The following PCDH15 variants were observed in gnomAD, a reference collection of about 807,000 sequenced individuals.
PCDH15 encodes the protein protocadherin related 15.
In PCDH15, 129 loss-of-function variants were observed where a neutral mutation model predicts 178.5. The ratio of observed to expected loss-of-function variants is 0.72; its 90% CI spans 0.63 to 0.84. The LOEUF (loss-of-function observed/expected upper bound fraction) is 0.84, where lower values mean the gene tolerates loss of function less well. Among genes scored for constraint, PCDH15 ranks in the 40% least tolerant of loss-of-function variants. The pLI, the probability that PCDH15 is intolerant of heterozygous loss-of-function variation, is 0.00. For missense variants in PCDH15, 2,230 were observed against 2,099.9 expected, an observed-to-expected ratio of 1.06 and a Z score of -1.21; for synonymous variants, 800 against 732.0, an observed-to-expected ratio of 1.09 and a Z score of -1.50.
intron 8 of PCDH15, among the ~76,000 whole-genome samples, chr10:54,298,560 C>T (rs574285784): frequency 7.2e-5 from 11 of 152,322 alleles, no homozygotes; most frequent in African/African-American, 2.4e-4. Flanking sequence ...GCTGCCCCCT[C>T]ATCCATGTCC....
intron 13 of PCDH15, among the ~76,000 whole-genome samples, chr10:54,168,185 T>C (rs1487153032): frequency 6.6e-6 from 1 of 152,124 alleles, no homozygotes; most frequent in Non-Finnish European, 1.5e-5. Flanking sequence ...AAATGGCACT[T>C]TGAATTTTTC....
intron 37 of PCDH15, among the ~76,000 whole-genome samples, chr10:53,807,540 T>C (rs1202855401): frequency 8.5e-5 from 13 of 152,182 alleles, no homozygotes; most frequent in Non-Finnish European, 1.8e-4. Flanking sequence ...TTAACGCTTC[T>C]ATTCCCAATA....
At chr10:54,660,030 A>G (rs1268965496) in intron 2 of PCDH15, among the ~76,000 whole-genome samples, 1 of 152,126 alleles carries the variant, frequency 6.6e-6, no homozygotes, top group Non-Finnish European at 1.5e-5. Context: ...AGGAACTAGG[A>G]ACATAAGAAC....
intron 1 of PCDH15, among the ~76,000 whole-genome samples, chr10:55,295,800 G>A (rs769533218): frequency 6.6e-6 from 1 of 152,022 alleles, no homozygotes; most frequent in Non-Finnish European, 1.5e-5. Flanking sequence ...CACCAATAGA[G>A]TGTCCTAAAA....
At chr10:54,896,544 T>A (rs948835991) in intron 3 of PCDH15, among the ~76,000 whole-genome samples, 1 of 151,980 alleles carries the variant, frequency 6.6e-6, no homozygotes, top group Admixed American at 6.6e-5. Flanking sequence ...CTCCATGAAC[T>A]AGATTTTTAC....
chr10:54,365,920 G>GT (rs2134619444), intron 5 of PCDH15, among the ~76,000 whole-genome samples: 1 of 152,210 alleles, frequency 6.6e-6, no homozygotes, highest in East Asian at 1.9e-4. Flanking sequence ...TACGAAGAGC[G>GT]TAAGAGGGTA....
At chr10:53,855,020 C>T (rs762123183) in intron 28 of PCDH15, among the ~76,000 whole-genome samples, 47 of 151,954 alleles carry the variant, frequency 3.1e-4, no homozygotes, top group Admixed American at 5.3e-4. Context: ...TATACTTTTG[C>T]TATTTTCTTT....
intron 1 of PCDH15, among the ~76,000 whole-genome samples, chr10:55,290,648 GT>G (rs1298537073): frequency 6.6e-6 from 1 of 151,986 alleles, no homozygotes; most frequent in African/African-American, 2.4e-5. Context: ...ATGAAAATGG[GT>G]TCTAAGTATC....
At chr10:54,629,947 A>G (rs1202317027) in intron 2 of PCDH15, among the ~76,000 whole-genome samples, 1 of 152,106 alleles carries the variant, frequency 6.6e-6, no homozygotes, top group Admixed American at 6.6e-5. Context: ...TACACCAATA[A>G]TGTTCAAGTT....
intron 26 of PCDH15, among the ~76,000 whole-genome samples, chr10:53,882,195 T>G (rs1222774808): frequency 1.3e-5 from 2 of 152,242 alleles, no homozygotes; most frequent in East Asian, 3.9e-4. Context: ...TGCTGGCTCC[T>G]TGCTTCTAGC....
chr10:54,952,640 T>C (rs1838373637), intron 2 of PCDH15, among the ~76,000 whole-genome samples: 1 of 151,776 alleles, frequency 6.6e-6, no homozygotes, highest in Admixed American at 6.6e-5. Context: ...AGAATATCTT[T>C]CCGTTTATTT....
At chr10:54,428,336 CTCAGT>C (rs1173252107) in intron 3 of PCDH15, among the ~76,000 whole-genome samples, 7 of 152,186 alleles carry the variant, frequency 4.6e-5, no homozygotes, top group Non-Finnish European at 4.4e-5. Context: ...TGGCTGAAGA[CTCAGT>C]TCAAAGTTGT....
At chr10:54,635,107 A>G (rs2093812462) in intron 2 of PCDH15, among the ~76,000 whole-genome samples, 1 of 151,236 alleles carries the variant, frequency 6.6e-6, no homozygotes. Flanking sequence ...ACATAAAAGT[A>G]TGCCTACGTG....
chr10:53,996,854 C>G (rs2091877635), intron 20 of PCDH15, among the ~76,000 whole-genome samples: 1 of 152,028 alleles, frequency 6.6e-6, no homozygotes, highest in African/African-American at 2.4e-5. Flanking sequence ...ATTATCTGCT[C>G]TTCTCCTCCA....
chr10:55,449,381 T>C lies in PCDH15; in HGVS notation c.-156+178244A>G, dbSNP rs535432043. ...AACCTAAGCTGGACAGAATTTAACA[T>C]AACAAATCATAGGAGACTCATGACA... On this transcript the variant is annotated intron_variant, in intron 2 of 5. Transcript: ENST00000613346. Among the ~76,000 whole-genome samples, 6 of 152,104 alleles carry C rather than the reference T, an allele frequency of 3.9e-5. No homozygotes were observed. The East Asian group carries it at 1.2e-3, about 29-fold the overall frequency.
intron 1 of PCDH15, among the ~76,000 whole-genome samples, chr10:54,726,419 GGTGTGT>G (rs72051103): frequency 0.016 from 304 of 19,516 alleles, 2 homozygotes; most frequent in Middle Eastern, 0.071. Context: ...ACCCATCAGG[GGTGTGT>G]GTGTGTGTGT....
intron 8 of PCDH15, among the ~76,000 whole-genome samples, chr10:54,242,149 T>C (rs1273659110): frequency 3.3e-4 from 25 of 76,222 alleles, no homozygotes; most frequent in African/African-American, 1.5e-3. Flanking sequence ...TATATATATA[T>C]ATATATATAT....
chr10:54,541,578 A>G (rs2085232696), intron 2 of PCDH15, among the ~76,000 whole-genome samples: 1 of 152,166 alleles, frequency 6.6e-6, no homozygotes, highest in Non-Finnish European at 1.5e-5. Flanking sequence ...AAATCTTTCC[A>G]AAAGAACTTT....
At chr10:54,866,213 G>A (rs1953939226) in intron 3 of PCDH15, among the ~76,000 whole-genome samples, 1 of 152,158 alleles carries the variant, frequency 6.6e-6, no homozygotes, top group Non-Finnish European at 1.5e-5. Context: ...TCAAAGGAAT[G>A]TTATTATTGA....
Sources: allele counts gnomAD v4.1 joint callset (sites outside exome capture counted in the v4.1 genomes callset), GRCh38; gene constraint gnomAD v4.1.1; transcripts MANE v1.5; gene names NCBI Gene and HGNC (gene_info 2026-07-23, HGNC 2026-07-21).